Variants in PHTF2 observed in about 807,000 individuals in gnomAD.
The protein encoded by PHTF2 is protein PHTF2.
PHTF2 carries 60 observed loss-of-function variants against 101.2 expected under a neutral mutation model. That is an observed-to-expected ratio of 0.59 (90% CI 0.48 to 0.73). PHTF2 has a LOEUF of 0.73. Ranked by LOEUF, PHTF2 falls within the 30% of genes least tolerant of loss-of-function variation. The pLI, the probability that PHTF2 is intolerant of heterozygous loss-of-function variation, is 0.00. For synonymous variants in PHTF2, 311 were observed against 307.3 expected (o/e 1.01, Z -0.13); for missense variants, 747 against 908.7 (o/e 0.82, Z 2.29).
In PHTF2 at chr7:77,922,927, TAGC is replaced by T; in HGVS notation, c.1119+152_1119+154del. ...TGTTGTATGATCTGGATTTATAAAA[TAGC>T]AGTTTTAGGTTTACGTATTGCACAT... On this transcript the variant is annotated intron_variant, in intron 11 of 19. Coordinates refer to ENST00000416283, the Ensembl canonical transcript of PHTF2. 3.7e-6 allele frequency: 5 copies of T among 1,347,842 alleles called. 1 individual carries two copies. The South Asian group carries it at 9.4e-5, about 25-fold the overall frequency. The allele number at this position is 1,347,842 out of a possible 1,614,324, so 83.5% of individuals were successfully genotyped here. A position where few individuals can be genotyped will look rare whatever the true frequency, so the allele number is the denominator to read the frequency against.
At chr7:77,935,120 TCC>T (rs201606651) in intron 12 of PHTF2, among the ~76,000 whole-genome samples, 3,788 of 67,514 alleles carry the variant, frequency 0.056, 181 homozygotes, top group African/African-American at 0.15. Flanking sequence ...CAGTGTACAT[TCC>T]CCCCCCCCAC....
intron 9 of PHTF2, among the ~76,000 whole-genome samples, chr7:77,913,519 T>A (rs1224934925): frequency 6.6e-6 from 1 of 152,212 alleles, no homozygotes; most frequent in Non-Finnish European, 1.5e-5. Flanking sequence ...ACATCTTGAT[T>A]GTGTGTCGTT....
At chr7:77,910,611 G>A (rs968219051) in intron 9 of PHTF2, among the ~76,000 whole-genome samples, 1 of 152,058 alleles carries the variant, frequency 6.6e-6, no homozygotes, top group Non-Finnish European at 1.5e-5. Flanking sequence ...ACATCTATAC[G>A]AGAATGAATA....
chr7:77,831,126 T>TGTG (rs1372580164), intron 1 of PHTF2, among the ~76,000 whole-genome samples: 1 of 152,272 alleles, frequency 6.6e-6, no homozygotes, highest in East Asian at 1.9e-4. Context: ...GCTTTGTGTA[T>TGTG]GTGGTGACTG....
chr7:77,839,322 G>A (rs1377221009), intron 1 of PHTF2, among the ~76,000 whole-genome samples: 2 of 152,182 alleles, frequency 1.3e-5, no homozygotes, highest in African/African-American at 2.4e-5. Flanking sequence ...TAGTATTCTG[G>A]AGTTGATGGG....
At chr7:77,945,662 C>T (rs1270645757) in intron 16 of PHTF2, among the ~76,000 whole-genome samples, 2 of 151,932 alleles carry the variant, frequency 1.3e-5, no homozygotes, top group Non-Finnish European at 2.9e-5. Flanking sequence ...TTAATACTGG[C>T]ACAATTGAGA....
At chr7:77,907,622 A>G (rs1165986275) in intron 7 of PHTF2, among the ~76,000 whole-genome samples, 1 of 152,180 alleles carries the variant, frequency 6.6e-6, no homozygotes, top group Non-Finnish European at 1.5e-5. Flanking sequence ...CTTGGTTTAG[A>G]TGGTAAATTA....
At chr7:77,831,056 C>T (rs1215704626) in intron 1 of PHTF2, among the ~76,000 whole-genome samples, 1 of 152,224 alleles carries the variant, frequency 6.6e-6, no homozygotes, top group Non-Finnish European at 1.5e-5. Context: ...AAAGAAAACA[C>T]CAAGAGTCCC....
intron 9 of PHTF2, among the ~76,000 whole-genome samples, chr7:77,912,493 CA>C (rs1802489691): frequency 6.6e-6 from 1 of 152,048 alleles, no homozygotes; most frequent in African/African-American, 2.4e-5. Flanking sequence ...TAAGACTTAA[CA>C]AAATTGTTTC....
rs35434731 is a variant in PHTF2 at position 77,935,129 on chromosome 7, C to A, written c.1339-2581C>A. 1.9e-3 allele frequency among the ~76,000 whole-genome samples: 233 copies of A among 125,496 alleles called. 2 individuals are homozygous for A. Among genetic ancestry groups the A allele is most frequent in the Middle Eastern group, 7.6e-3 (2 of 264 alleles). The allele number at this position is 125,496 out of a possible 152,430, so 82.3% of individuals were successfully genotyped here. A position where few individuals can be genotyped will look rare whatever the true frequency, so the allele number is the denominator to read the frequency against. On this transcript the variant is annotated intron_variant, in intron 12 of 19. Coordinates refer to ENST00000416283, the Ensembl canonical transcript of PHTF2. ...GTTTTTCAGTGTACATTCCCCCCCCCCACACACACACACAGAGGAATATAG... is the reference window on the plus strand; with the variant it reads ...GTTTTTCAGTGTACATTCCCCCCCCACACACACACACACAGAGGAATATAG...
chr7:77,877,980 T>G (rs545250965), intron 3 of PHTF2, among the ~76,000 whole-genome samples: 6 of 152,168 alleles, frequency 3.9e-5, no homozygotes, highest in African/African-American at 1.4e-4. Flanking sequence ...AACACAGATG[T>G]GGAGGTTGGT....
chr7:77,899,419 G>A (rs1039651938), intron 5 of PHTF2, among the ~76,000 whole-genome samples: 1 of 151,950 alleles, frequency 6.6e-6, no homozygotes, highest in Admixed American at 6.6e-5. Context: ...CGTTGATTTG[G>A]GGGTACAAAG....
intron 3 of PHTF2, among the ~76,000 whole-genome samples, chr7:77,875,846 C>T (rs978466876): frequency 3.3e-5 from 5 of 152,106 alleles, no homozygotes; most frequent in Admixed American, 6.6e-5. Flanking sequence ...CGTGAGAAAC[C>T]GTGCTGGGCC....
intron 9 of PHTF2, among the ~76,000 whole-genome samples, chr7:77,914,762 C>G (rs1220530146): frequency 6.6e-6 from 1 of 152,028 alleles, no homozygotes; most frequent in Non-Finnish European, 1.5e-5. Flanking sequence ...TCTGAAAAAC[C>G]TACCAGAAAT....
At chr7:77,918,359 C>T (rs1803130921) in intron 9 of PHTF2, among the ~76,000 whole-genome samples, 1 of 152,128 alleles carries the variant, frequency 6.6e-6, no homozygotes, top group Non-Finnish European at 1.5e-5. Flanking sequence ...CATCTTTCTT[C>T]CTAAATAAAT....
intron 3 of PHTF2, among the ~76,000 whole-genome samples, chr7:77,863,486 A>C (rs1022128678): frequency 3.3e-5 from 5 of 152,334 alleles, no homozygotes; most frequent in African/African-American, 1.2e-4. Context: ...GTAAATTACT[A>C]GGTAGAACCT....
rs12673343 is a variant in PHTF2, at chr7:77,910,356, C to T, written c.723C>T (p.His241=). The T allele has an allele frequency of 7.2e-4, 1,157 of 1,613,828 alleles. 21 individuals carry two copies. The East Asian group carries it at 0.022, about 31-fold the overall frequency. The stretch of plus-strand genomic sequence containing the variant: ...AGAACCACGGTACAAGCACCTCTCA[C>T]AGCGTTGGCACTGTCTTCAGAGATC... Residue 241 remains histidine, a synonymous_variant, in exon 9 of 20, where the codon CAC becomes CAT. Coordinates refer to ENST00000416283, the Ensembl canonical transcript of PHTF2.
At chr7:77,946,908 G>A (rs1806093201) in intron 16 of PHTF2, among the ~76,000 whole-genome samples, 1 of 150,978 alleles carries the variant, frequency 6.6e-6, no homozygotes, top group Non-Finnish European at 1.5e-5. Context: ...GATCCCTTGA[G>A]CCCAGGAGTT....
At chr7:77,891,839 A>G (rs183240434) in intron 3 of PHTF2, among the ~76,000 whole-genome samples, 183 of 151,546 alleles carry the variant, frequency 1.2e-3, no homozygotes, top group African/African-American at 4.2e-3. Flanking sequence ...TCCCACCTCA[A>G]CCTCCCAAAG....
Sources: gnomAD v4.1 joint callset for allele counts (sites outside exome capture counted in the v4.1 genomes callset) on GRCh38, gnomAD v4.1.1 for gene constraint, MANE v1.5 for transcripts, NCBI Gene and HGNC (gene_info 2026-07-23, HGNC 2026-07-21) for gene names.